The following AFF1 variants were observed in gnomAD, a reference collection of about 807,000 sequenced individuals.
The protein encoded by AFF1 is ALF transcription elongation factor 1, also known as AF4/FMR2 family member 1.
AFF1 carries 48 observed loss-of-function variants against 121.7 expected under a neutral mutation model. The observed-to-expected ratio is 0.39, with a 90% CI of 0.31 to 0.50. The LOEUF (loss-of-function observed/expected upper bound fraction) is 0.50. Among genes scored for constraint, AFF1 ranks in the 20% least tolerant of loss-of-function variants. AFF1 has a pLI of 0.76. For synonymous variants in AFF1, 613 were observed against 563.0 expected (o/e 1.09, Z -1.26); for missense variants, 1,523 against 1,511.7 (o/e 1.01, Z -0.12).
At chr4:87,135,467 T>A in intron 20 of AFF1, 113 bp from the exon 21 acceptor site, 2 of 1,098,834 alleles carry the variant, frequency 1.8e-6, no homozygotes, top group Non-Finnish European at 2.5e-6. Flanking sequence ...TGTGATTAAG[T>A]GCAGAATATT....
intron 12 of AFF1, among the ~76,000 whole-genome samples, chr4:87,116,341 T>G (rs1008897032): frequency 6.6e-6 from 1 of 151,888 alleles, no homozygotes; most frequent in Non-Finnish European, 1.5e-5. Context: ...TTGAATCACT[T>G]GAGTTCCTGT....
rs199838783 is a variant in AFF1, at chr4:87,047,119, C to T, written c.584C>T (p.Ser195Leu). ...DRRADGDHCA[S>L]VTDSAPEREL... The stretch of plus-strand genomic sequence containing the variant: ...AGAGCTGACGGAGACCACTGTGCTT[C>T]GGTGACAGATTCGGCTCCAGAGAGG... The change falls in exon 4 of 21, where the codon TCG becomes TTG. Residue 195 changes from serine (S) to leucine (L), a missense_variant. Coordinates refer to ENST00000395146, the MANE Select transcript of AFF1 (RefSeq NM_001166693.3). The T allele has an allele frequency of 1.2e-4, 189 of 1,614,094 alleles. 2 individuals are homozygous for T. Among genetic ancestry groups the T allele is most frequent in the South Asian group, 8.9e-4 (81 of 91,092 alleles).
At position 86,935,044 on chromosome 4, in the gene AFF1, C is replaced by A. The variant is rs932560032; in HGVS notation, c.-233C>A. The A allele has an allele frequency of 6.6e-6, 1 of 151,938 alleles. No homozygotes were observed. The highest frequency in any genetic ancestry group is 1.5e-5 in the Non-Finnish European group (1 of 67,966). 9.4% of individuals were successfully genotyped at this position (151,938 alleles called of 1,614,324 possible). A position where few individuals can be genotyped will look rare whatever the true frequency, so the allele number is the denominator to read the frequency against. On this transcript the variant is annotated 5_prime_UTR_variant, in exon 1 of 21. In the 5' UTR this introduces an upstream ATG that the reference lacks. Coordinates refer to ENST00000395146, the MANE Select transcript of AFF1 (RefSeq NM_001166693.3). ...AGCGAGCGACGGGCGCGCGCGGCCC[C>A]TGCGCACTCGGCCGCCGCCTGCGCG... is the stretch of plus-strand genomic sequence containing the variant.
intron 20 of AFF1, 41 bp from the exon 21 acceptor site, chr4:87,135,539 G>C (rs765557378): frequency 1.3e-6 from 2 of 1,487,036 alleles, no homozygotes; most frequent in Non-Finnish European, 1.8e-6. Flanking sequence ...GTGTGTGCTT[G>C]TGTATTTACT....
At chr4:87,055,494 G>A (rs1414011383) in intron 4 of AFF1, among the ~76,000 whole-genome samples, 3 of 152,132 alleles carry the variant, frequency 2.0e-5, no homozygotes, top group Non-Finnish European at 2.9e-5. Context: ...TGAGATGTTT[G>A]TGGATGGTTA....
At chr4:87,081,436 A>T (rs1352672427) in intron 4 of AFF1, among the ~76,000 whole-genome samples, 1 of 152,198 alleles carries the variant, frequency 6.6e-6, no homozygotes. Flanking sequence ...TGCTGGGATT[A>T]CAGGCGTGAG....
At chr4:87,026,182 G>T (rs1337270067) in intron 2 of AFF1, among the ~76,000 whole-genome samples, 1 of 151,934 alleles carries the variant, frequency 6.6e-6, no homozygotes, top group African/African-American at 2.4e-5. Flanking sequence ...TCCAGCCTGG[G>T]CAACAAGAGT....
intron 2 of AFF1, among the ~76,000 whole-genome samples, chr4:86,976,686 CTG>C (rs1723327318): frequency 6.6e-6 from 1 of 152,172 alleles, no homozygotes; most frequent in Admixed American, 6.5e-5. Context: ...ACGAAATAAT[CTG>C]TGCACCAAGC....
At chr4:87,098,698 C>T (rs1464561106) in intron 8 of AFF1, among the ~76,000 whole-genome samples, 1 of 152,152 alleles carries the variant, frequency 6.6e-6, no homozygotes, top group Non-Finnish European at 1.5e-5. Flanking sequence ...TGTTTTTGGC[C>T]TCTGAAATCA....
At chr4:87,060,868 CACAAAAA>C (rs1560586095) in intron 4 of AFF1, among the ~76,000 whole-genome samples, 11 of 25,050 alleles carry the variant, frequency 4.4e-4, no homozygotes, top group East Asian at 2.9e-3. Flanking sequence ...AAAAAAAAAA[CACAAAAA>C]AACAACAACA....
chr4:87,103,519 G>A (rs1416754274), intron 8 of AFF1, among the ~76,000 whole-genome samples: 1 of 152,210 alleles, frequency 6.6e-6, no homozygotes, highest in Non-Finnish European at 1.5e-5. Context: ...TTCCTTCAGA[G>A]ATCACAGTCC....
Position 87,111,063 on chromosome 4 carries a change from A to C in AFF1, c.1533+2748A>C, listed in dbSNP as rs1359511533. The stretch of plus-strand genomic sequence containing the variant: ...CGCTCTGTCGCCCAGGCTGGAGTGC[A>C]GTGGCGCGATCTCGGCTCACTGCAA... On this transcript the variant is annotated intron_variant, in intron 11 of 20. Transcript: ENST00000395146. Among the ~76,000 whole-genome samples, 3 of 53,428 alleles carry C rather than the reference A, an allele frequency of 5.6e-5. 1 individual carries two copies. The highest frequency in any genetic ancestry group is 1.9e-4 in the African/African-American group (3 of 15,974). 35.1% of individuals were successfully genotyped at this position (53,428 alleles called of 152,430 possible).
At chr4:87,066,959 A>G (rs1246958267) in intron 4 of AFF1, among the ~76,000 whole-genome samples, 2 of 152,254 alleles carry the variant, frequency 1.3e-5, no homozygotes, top group African/African-American at 2.4e-5. Flanking sequence ...CGGCTTCTTC[A>G]GAGCTGAAGA....
chr4:87,056,293 A>T (rs921746118), intron 4 of AFF1, among the ~76,000 whole-genome samples: 19 of 152,208 alleles, frequency 1.2e-4, no homozygotes, highest in Non-Finnish European at 1.9e-4. Flanking sequence ...CTGAAAACTC[A>T]TATTGGACAG....
intron 13 of AFF1, 123 bp from the exon 14 acceptor site, chr4:87,125,976 T>G: frequency 1.0e-6 from 1 of 1,001,536 alleles, no homozygotes; most frequent in Non-Finnish European, 1.5e-6. Context: ...TTGGCCTGTT[T>G]ACACAGTTTC....
intron 2 of AFF1, among the ~76,000 whole-genome samples, chr4:86,991,719 T>C (rs1364595322): frequency 6.6e-6 from 1 of 152,096 alleles, no homozygotes; most frequent in Non-Finnish European, 1.5e-5. Flanking sequence ...TAACTACATC[T>C]TTAGTGTGGC....
chr4:87,006,772 A>T (rs910338541), intron 2 of AFF1, among the ~76,000 whole-genome samples: 1 of 152,090 alleles, frequency 6.6e-6, no homozygotes, highest in African/African-American at 2.4e-5. Context: ...GCAAGAGAGC[A>T]CTCTCGAGGA....
At chr4:87,110,618 A>G (rs1726393316) in intron 11 of AFF1, among the ~76,000 whole-genome samples, 1 of 151,582 alleles carries the variant, frequency 6.6e-6, no homozygotes, top group Non-Finnish European at 1.5e-5. Flanking sequence ...TGTATCTTCC[A>G]TTTTTTTAAT....
chr4:86,941,005 T>G (rs1156679415), intron 1 of AFF1, among the ~76,000 whole-genome samples: 2 of 151,976 alleles, frequency 1.3e-5, no homozygotes, highest in Non-Finnish European at 2.9e-5. Context: ...GGAGAATCGC[T>G]TGAACCCTGG....
Sources: allele counts gnomAD v4.1 joint callset (sites outside exome capture counted in the v4.1 genomes callset), GRCh38; gene constraint gnomAD v4.1.1; transcripts MANE v1.5; gene names NCBI Gene and HGNC (gene_info 2026-07-23, HGNC 2026-07-21).